Variants in HNF1A observed in about 807,000 individuals in gnomAD.
The protein encoded by HNF1A is hepatocyte nuclear factor 1-alpha.
In HNF1A, 21 loss-of-function variants were observed where a neutral mutation model predicts 62.2. That is an observed-to-expected ratio of 0.34 (90% CI 0.24 to 0.49). The LOEUF is 0.49. Among genes scored for constraint, HNF1A ranks in the 20% least tolerant of loss-of-function variants. The pLI is 0.99. For synonymous variants in HNF1A, 374 were observed against 366.8 expected, an observed-to-expected ratio of 1.02 and a Z score of -0.22; for missense variants, 687 against 832.3, an observed-to-expected ratio of 0.83 and a Z score of 2.15.
Position 121,001,843 on chromosome 12 carries a change from T to C in HNF1A, c.*651T>C. ...CTAACAGGGAAGGCAGGCAGGGCTC[T>C]CCTGGCTTCCCATCCCCAGCGATTC... is the stretch of plus-strand genomic sequence containing the variant. On this transcript the variant is annotated 3_prime_UTR_variant, in exon 10 of 10. Transcript: ENST00000257555. 1.9e-6 allele frequency: 1 copy of C among 529,052 alleles called. No individual in the cohort carries two copies. The highest frequency in any genetic ancestry group is 3.9e-5 in the East Asian group (1 of 25,710). The allele number at this position is 529,052 out of a possible 1,614,324, so 32.8% of individuals were successfully genotyped here. A position where few individuals can be genotyped will look rare whatever the true frequency, so the allele number is the denominator to read the frequency against.
At position 121,001,391 on chromosome 12, in the gene HNF1A, G is replaced by A; in HGVS notation, c.*199G>A. 1.6e-6 allele frequency: 1 copy of A among 629,620 alleles called. No homozygotes were observed. Among genetic ancestry groups the A allele is most frequent in the Non-Finnish European group, 2.8e-6 (1 of 361,660 alleles). 39.0% of individuals were successfully genotyped at this position (629,620 alleles called of 1,614,324 possible). ...CCAACCCGTGGAGGCTGCTCGGGGT[G>A]CACAGGAGGGGGTCGTGGAGAGCTA... On this transcript the variant is annotated 3_prime_UTR_variant, in exon 10 of 10. Transcript: ENST00000257555.
Position 120,994,291 on chromosome 12 carries a change from C to T in HNF1A, c.841C>T (p.Leu281=), listed in dbSNP as rs2135842063. The change falls in exon 4 of 10, where the codon CTG becomes TTG. Residue 281 remains leucine, a synonymous_variant. Coordinates refer to ENST00000257555, the MANE Select transcript of HNF1A (RefSeq NM_000545.8). The part of the protein sequence containing the change: ...RRKEEAFRHK[L]AMDTYSGPPP... ...CAAAGAAGAAGCCTTCCGGCACAAG[C>T]TGGCCATGGACACGTACAGCGGGCC... The T allele has an allele frequency of 6.2e-7, 1 of 1,613,142 alleles. No individual in the cohort carries two copies. The highest frequency in any genetic ancestry group is 8.5e-7 in the Non-Finnish European group (1 of 1,179,652).
chr12:120,994,016 G>T (rs932518846), intron 3 of HNF1A, 148 bp from the exon 4 acceptor site: 12 of 1,057,402 alleles, frequency 1.1e-5, no homozygotes, highest in African/African-American at 1.6e-5. Context: ...AATTGCCCAA[G>T]GTCACACAGC....
rs1876363003 is a variant in HNF1A at position 120,983,677 on chromosome 12, C to G, written c.326+4583C>G. On this transcript the variant is annotated intron_variant, in intron 1 of 9. Coordinates refer to ENST00000257555, the MANE Select transcript of HNF1A (RefSeq NM_000545.8). ...CCTCCTGCCTCAGCCTCCTGAGTAG[C>G]TGGGACCACAGGCATACGACACCAC... Among the ~76,000 whole-genome samples, 2 of 151,934 alleles carry G rather than the reference C, an allele frequency of 1.3e-5. 1 individual carries two copies. The highest frequency in any genetic ancestry group is 4.8e-5 in the African/African-American group (2 of 41,340).
chr12:120,990,286 T>C (rs951358620), intron 2 of HNF1A, among the ~76,000 whole-genome samples: 20 of 152,082 alleles, frequency 1.3e-4, no homozygotes, highest in South Asian at 4.2e-4. Flanking sequence ...GGACTACAGG[T>C]GCCCGCCACC....
chr12:120,983,736 G>A (rs936817997), intron 1 of HNF1A, among the ~76,000 whole-genome samples: 5 of 151,990 alleles, frequency 3.3e-5, no homozygotes, highest in Non-Finnish European at 5.9e-5. Flanking sequence ...AGTAGAGACA[G>A]GGTTTCACTG....
chr12:120,983,954 G>A (rs960725984), intron 1 of HNF1A, among the ~76,000 whole-genome samples: 3 of 151,854 alleles, frequency 2.0e-5, no homozygotes, highest in Admixed American at 6.6e-5. Context: ...GTGTGTTTGT[G>A]TAAGAGACAC....
Position 121,002,236 on chromosome 12 carries a change from G to A in HNF1A, c.*1044G>A, listed in dbSNP as rs1039799815. On this transcript the variant is annotated 3_prime_UTR_variant, in exon 10 of 10. Transcript: ENST00000257555. ...GGACAGGACTAACACTCAGAAGCCT[G>A]GGGGCCTGGCTGGCTGAGGGCAGTT... 106 of 440,462 alleles carry A rather than the reference G, an allele frequency of 2.4e-4. No homozygotes were observed. Among genetic ancestry groups the A allele is most frequent in the Non-Finnish European group, 3.6e-4 (83 of 230,978 alleles). 27.3% of individuals were successfully genotyped at this position (440,462 alleles called of 1,614,324 possible). A position where few individuals can be genotyped will look rare whatever the true frequency, so the allele number is the denominator to read the frequency against.
intron 1 of HNF1A, among the ~76,000 whole-genome samples, chr12:120,987,233 G>A (rs55748358): frequency 2.1e-3 from 319 of 152,224 alleles, no homozygotes; most frequent in Non-Finnish European, 3.6e-3. Flanking sequence ...CCAGCACTTT[G>A]GGAGGCCGAG....
rs148961412 is a variant in HNF1A at position 120,978,984 on chromosome 12, C to G, written c.216C>G (p.Asp72Glu). The G allele has an allele frequency of 1.4e-5, 22 of 1,608,028 alleles. No individual in the cohort carries two copies. Among genetic ancestry groups the G allele is most frequent in the Non-Finnish European group, 1.9e-5 (22 of 1,177,434 alleles). The change falls in exon 1 of 10, where the codon GAC (aspartate) becomes GAG (glutamate). Residue 72 changes from aspartate to glutamate, a missense_variant. Coordinates refer to ENST00000257555, the MANE Select transcript of HNF1A (RefSeq NM_000545.8). Reference protein sequence around the residue: ...NGLGETRGSEDETDDDGEDFT... With the variant: ...NGLGETRGSEEETDDDGEDFT... ...TGGGGGAGACTCGGGGCTCCGAGGA[C>G]GAGACGGACGACGATGGGGAAGACT...
chr12:120,982,497 A>G (rs988009283), intron 1 of HNF1A, among the ~76,000 whole-genome samples: 1 of 152,176 alleles, frequency 6.6e-6, no homozygotes, highest in African/African-American at 2.4e-5. Flanking sequence ...CCCCAACAAA[A>G]GCCAGACTGC....
Position 120,978,951 on chromosome 12 carries a change from C to G in HNF1A, c.183C>G (p.Pro61=), listed in dbSNP as rs1223113227. 1 of 1,609,056 alleles carries G rather than the reference C, an allele frequency of 6.2e-7. No homozygotes were observed. Among genetic ancestry groups the G allele is most frequent in the Non-Finnish European group, 8.5e-7 (1 of 1,177,968 alleles). The change falls in exon 1 of 10, where the codon CCC becomes CCG. Residue 61 remains proline (P), a synonymous_variant. Coordinates refer to ENST00000257555, the MANE Select transcript of HNF1A (RefSeq NM_000545.8). ...GTCGAGGGGAGCTGGCTGAGCTGCC[C>G]AATGGGCTGGGGGAGACTCGGGGCT... ...GGGRGELAEL[P]NGLGETRGSE... is the part of the protein sequence containing the mutation.
chr12:120,989,129 C>A, intron 2 of HNF1A, 97 bp downstream of exon 2: 1 of 1,155,950 alleles, frequency 8.7e-7, no homozygotes, highest in Non-Finnish European at 1.3e-6. Flanking sequence ...CCCCATTACA[C>A]AGACAGGTAG....
intron 1 of HNF1A, among the ~76,000 whole-genome samples, chr12:120,985,143 A>G (rs1240372142): frequency 1.3e-5 from 2 of 151,454 alleles, no homozygotes; most frequent in East Asian, 2.0e-4. Flanking sequence ...ACAGGGTCCC[A>G]CTATGTTGTC....
rs1482912375 is a variant in HNF1A at position 120,978,621 on chromosome 12, C to A, written c.-148C>A. ...CAGGGTTGGGGGTTGGGGGTGCCCACAGGGCTTGGCTAGTGGGGTTTTGGG... is the reference window on the plus strand; with the variant it reads ...CAGGGTTGGGGGTTGGGGGTGCCCAAAGGGCTTGGCTAGTGGGGTTTTGGG... On this transcript the variant is annotated 5_prime_UTR_variant, in exon 1 of 10. Transcript: ENST00000257555. 1.2e-5 allele frequency: 9 copies of A among 764,322 alleles called. No homozygotes were observed. Among genetic ancestry groups the A allele is most frequent in the Non-Finnish European group, 2.0e-5 (9 of 442,914 alleles). 47.3% of individuals were successfully genotyped at this position (764,322 alleles called of 1,614,324 possible). A position where few individuals can be genotyped will look rare whatever the true frequency, so the allele number is the denominator to read the frequency against.
rs1404823807 is a variant in HNF1A at position 120,996,362 on chromosome 12, C to T, written c.1056C>T (p.Ser352=). Residue 352 remains serine, a synonymous_variant, in exon 5 of 10, where the codon TCC becomes TCT. Transcript: ENST00000257555. This position sits in a 1 kb window ranked among gnomAD's most constrained non-coding sequence, Gnocchi z 4.5. ...VTVSTPLHQV[S]PTGLEPSHSL... ...TGTCTACACCCCTCCACCAAGTGTC[C>T]CCCACGGGCCTGGAGCCCAGCCACA... 1 of 1,614,174 alleles carries T rather than the reference C, an allele frequency of 6.2e-7. No homozygotes were observed. The highest frequency in any genetic ancestry group is 1.1e-5 in the South Asian group (1 of 91,084).
At chr12:120,985,552 G>A (rs887513419) in intron 1 of HNF1A, among the ~76,000 whole-genome samples, 2 of 151,556 alleles carry the variant, frequency 1.3e-5, no homozygotes, top group African/African-American at 4.8e-5. Context: ...TGTGCCTGTG[G>A]TCCCAAGTAC....
chr12:120,995,370 A>G (rs1877048335), intron 4 of HNF1A, among the ~76,000 whole-genome samples: 1 of 147,236 alleles, frequency 6.8e-6, no homozygotes, highest in African/African-American at 2.5e-5. Context: ...ACTGCACTCC[A>G]ACCAGCTCCA....
intron 9 of HNF1A, among the ~76,000 whole-genome samples, chr12:120,999,944 ATG>A (rs1468658135): frequency 6.6e-6 from 1 of 152,212 alleles, no homozygotes; most frequent in African/African-American, 2.4e-5. Flanking sequence ...CGACTCTTGC[ATG>A]TGTTTGGTTT....
Sources: allele counts gnomAD v4.1 joint callset (sites outside exome capture counted in the v4.1 genomes callset), GRCh38; gene constraint gnomAD v4.1.1; non-coding constraint Gnocchi (gnomAD v3.1); transcripts MANE v1.5; gene names NCBI Gene and HGNC (gene_info 2026-07-23, HGNC 2026-07-21).